RETREG1: variants seen among roughly 807,000 people sequenced by gnomAD.
RETREG1 encodes reticulophagy regulator 1, also known as family with sequence similarity 134 member B.
RETREG1 carries 44 observed loss-of-function variants against 54.8 expected under a neutral mutation model. That is an observed-to-expected ratio of 0.80 (90% CI 0.63 to 1.03). RETREG1 has a LOEUF of 1.03. Ranked by LOEUF, RETREG1 falls within the 50% of genes least tolerant of loss-of-function variation. The pLI is 0.00. For missense variants in RETREG1, 554 were observed against 605.1 expected (o/e 0.92, Z 0.89); for synonymous variants, 217 against 238.5 (o/e 0.91, Z 0.83).
At chr5:16,491,083 C>T (rs1739223557) in intron 3 of RETREG1, among the ~76,000 whole-genome samples, 1 of 152,210 alleles carries the variant, frequency 6.6e-6, no homozygotes, top group Admixed American at 6.5e-5. Context: ...TGGCAACTAT[C>T]TGCTAAGCTC....
At chr5:16,527,316 G>C (rs1434788272) in intron 3 of RETREG1, among the ~76,000 whole-genome samples, 1 of 152,192 alleles carries the variant, frequency 6.6e-6, no homozygotes, top group Non-Finnish European at 1.5e-5. Flanking sequence ...TCCGGGCAGG[G>C]CTTTACAGTG....
chr5:16,586,571 T>C (rs1742631943), intron 1 of RETREG1, among the ~76,000 whole-genome samples: 1 of 152,222 alleles, frequency 6.6e-6, no homozygotes, highest in South Asian at 2.1e-4. Flanking sequence ...TACAGGAACC[T>C]ACATGCTAAC....
At chr5:16,563,856 T>C (rs2126627609) in intron 3 of RETREG1, among the ~76,000 whole-genome samples, 1 of 152,324 alleles carries the variant, frequency 6.6e-6, no homozygotes, top group Non-Finnish European at 1.5e-5. Flanking sequence ...ATTAAGATAC[T>C]GGAAAAGAAA....
rs188518946 is a variant in RETREG1 at position 16,611,353 on chromosome 5, C to T, written c.320+5299G>A. On this transcript the variant is annotated intron_variant, in intron 1 of 8. Transcript: ENST00000306320. ...CACCAACATGGCACATGTATACATA[C>T]GTAACAAACCTGCACGTTGTGCACA... is the stretch of plus-strand genomic sequence containing the variant. Among the ~76,000 whole-genome samples the T allele has an allele frequency of 1.9e-4, 29 of 151,946 alleles. 1 individual carries two copies. The South Asian group carries it at 4.8e-3, about 25-fold the overall frequency.
At chr5:16,483,113 A>G in intron 4 of RETREG1, 1 of 510,358 alleles carries the variant, frequency 2.0e-6, no homozygotes, top group East Asian at 3.5e-5. Flanking sequence ...AATGAGCTAG[A>G]TAAATATATA....
chr5:16,487,871 C>CTTCT (rs1237124750), intron 3 of RETREG1, among the ~76,000 whole-genome samples: 1 of 152,236 alleles, frequency 6.6e-6, no homozygotes, highest in Non-Finnish European at 1.5e-5. Context: ...ACCAACATCC[C>CTTCT]TTCTTTCTTC....
chr5:16,534,749 T>C (rs988031368), intron 3 of RETREG1, among the ~76,000 whole-genome samples: 5 of 152,212 alleles, frequency 3.3e-5, no homozygotes, highest in African/African-American at 9.7e-5. Flanking sequence ...GAAGCCCCCC[T>C]CAGAATTATA....
intron 3 of RETREG1, among the ~76,000 whole-genome samples, chr5:16,546,749 A>G (rs1450112360): frequency 6.6e-6 from 1 of 152,164 alleles, no homozygotes; most frequent in Non-Finnish European, 1.5e-5. Flanking sequence ...TCTTAAAATC[A>G]TCATTTCAAT....
chr5:16,582,127 AAAGTCT>A (rs1742501412), intron 1 of RETREG1, among the ~76,000 whole-genome samples: 2 of 152,380 alleles, frequency 1.3e-5, no homozygotes, highest in African/African-American at 2.4e-5. Context: ...ATAAATACAT[AAAGTCT>A]ATGTGTATAA....
intron 3 of RETREG1, among the ~76,000 whole-genome samples, chr5:16,498,950 A>AT (rs917930848): frequency 3.3e-5 from 5 of 151,908 alleles, no homozygotes; most frequent in Admixed American, 6.6e-5. Context: ...AAACTTTTCC[A>AT]TTTTTTTAAA....
chr5:16,482,476 T>TA (rs111465146), intron 4 of RETREG1, among the ~76,000 whole-genome samples: 9 of 150,934 alleles, frequency 6.0e-5, no homozygotes, highest in South Asian at 2.1e-4. Flanking sequence ...CTTCAATGAA[T>TA]AAAAAAAATG....
chr5:16,528,750 CAT>C (rs761865106), intron 3 of RETREG1, among the ~76,000 whole-genome samples: 67 of 152,276 alleles, frequency 4.4e-4, no homozygotes, highest in Admixed American at 8.5e-4. Context: ...AACTGCTTGA[CAT>C]ATTAAAACGG....
rs373359799 is a variant in RETREG1 at position 16,609,378 on chromosome 5, G to A, written c.320+7274C>T. On this transcript the variant is annotated intron_variant, in intron 1 of 8. Coordinates refer to ENST00000306320, the MANE Select transcript of RETREG1 (RefSeq NM_001034850.3). ...CTGAAGTCTGTAACTGTATATAACTGTAACTGTATATAACTATACATATAG... is the reference window on the plus strand; with the variant it reads ...CTGAAGTCTGTAACTGTATATAACTATAACTGTATATAACTATACATATAG... Among the ~76,000 whole-genome samples the A allele has an allele frequency of 2.9e-5, 4 of 139,180 alleles. No individual in the cohort carries two copies. The East Asian group carries it at 5.8e-4, about 20-fold the overall frequency. The allele number at this position is 139,180 out of a possible 152,430, so 91.3% of individuals were successfully genotyped here. A position where few individuals can be genotyped will look rare whatever the true frequency, so the allele number is the denominator to read the frequency against.
intron 1 of RETREG1, among the ~76,000 whole-genome samples, chr5:16,599,210 A>G (rs1308683449): frequency 6.6e-6 from 1 of 152,198 alleles, no homozygotes; most frequent in Non-Finnish European, 1.5e-5. Context: ...CTGTCTCAAT[A>G]AAAAGGAAAA....
intron 1 of RETREG1, among the ~76,000 whole-genome samples, chr5:16,575,877 G>A (rs1199696615): frequency 1.3e-5 from 2 of 152,280 alleles, no homozygotes; most frequent in Non-Finnish European, 2.9e-5. Flanking sequence ...AGCACTTTTG[G>A]TACTTTAATT....
chr5:16,566,584 C>T (rs1383472754), intron 2 of RETREG1, among the ~76,000 whole-genome samples: 1 of 152,232 alleles, frequency 6.6e-6, no homozygotes, highest in Non-Finnish European at 1.5e-5. Flanking sequence ...TCAATATCCC[C>T]TATCGAGAGC....
chr5:16,616,515 G>A, intron 1 of RETREG1, 137 bp downstream of exon 1: 1 of 1,414,168 alleles, frequency 7.1e-7, no homozygotes, highest in South Asian at 1.3e-5. Flanking sequence ...GAGACAGGTG[G>A]CCGAGAAAGT....
In RETREG1 at chr5:16,493,323, AATTTT is replaced by A. The variant is rs954740623; in HGVS notation, c.459-9856_459-9852del. On this transcript the variant is annotated intron_variant, in intron 3 of 8. Transcript: ENST00000306320. ...GTATAAGTCATTTTTCAGCGTTTTT[AATTTT>A]AACATTTTAATAACTAGACTTTCAT... 4.7e-4 allele frequency among the ~76,000 whole-genome samples: 71 copies of A among 152,292 alleles called. 1 individual carries two copies. Among genetic ancestry groups the A allele is most frequent in the African/African-American group, 1.6e-3 (68 of 41,558 alleles).
chr5:16,547,773 C>T (rs890552943), intron 3 of RETREG1, among the ~76,000 whole-genome samples: 10 of 152,150 alleles, frequency 6.6e-5, no homozygotes, highest in African/African-American at 2.4e-4. Flanking sequence ...AACGTCAAAT[C>T]TGCCAACAAT....
Sources: gnomAD v4.1 joint callset for allele counts (sites outside exome capture counted in the v4.1 genomes callset) on GRCh38, gnomAD v4.1.1 for gene constraint, MANE v1.5 for transcripts, NCBI Gene and HGNC (gene_info 2026-07-23, HGNC 2026-07-21) for gene names.